The following DGKB variants were observed in gnomAD, a reference collection of about 807,000 sequenced individuals.
DGKB encodes 90 kDa diacylglycerol kinase.
In DGKB, 67 loss-of-function variants were observed where a neutral mutation model predicts 114.3. The observed-to-expected ratio is 0.59, with a 90% confidence interval of 0.48 to 0.72. DGKB has a LOEUF of 0.72. Among genes scored for constraint, DGKB ranks in the 30% least tolerant of loss-of-function variants. DGKB has a pLI of 0.00. For missense variants in DGKB, 907 were observed against 975.2 expected (o/e 0.93, Z 0.93); for synonymous variants, 398 against 323.1 (o/e 1.23, Z -2.49).
intron 25 of DGKB, among the ~76,000 whole-genome samples, chr7:14,166,212 C>T (rs1466028368): frequency 1.3e-5 from 2 of 152,168 alleles, no homozygotes; most frequent in Non-Finnish European, 2.9e-5. Context: ...ATAGAAATAC[C>T]TAAAACCTTA....
chr7:14,470,434 G>A (rs533780760), intron 21 of DGKB, among the ~76,000 whole-genome samples: 1 of 151,924 alleles, frequency 6.6e-6, no homozygotes, highest in South Asian at 2.1e-4. Flanking sequence ...TGAGGCAAAA[G>A]TGAGGTCAAA....
At chr7:14,693,625 T>C (rs1020334116) in intron 9 of DGKB, among the ~76,000 whole-genome samples, 1 of 151,272 alleles carries the variant, frequency 6.6e-6, no homozygotes, top group African/African-American at 2.4e-5. Flanking sequence ...GCACCACTAA[T>C]CTTTAAACCA....
At chr7:14,770,942 G>A (rs560618553) in intron 2 of DGKB, among the ~76,000 whole-genome samples, 89 of 152,066 alleles carry the variant, frequency 5.9e-4, no homozygotes, top group South Asian at 1.7e-3. Context: ...GCCTTGAAGC[G>A]TAAGAAGATA....
At chr7:14,581,788 C>T (rs1424666912) in intron 18 of DGKB, among the ~76,000 whole-genome samples, 1 of 152,112 alleles carries the variant, frequency 6.6e-6, no homozygotes, top group Admixed American at 6.6e-5. Flanking sequence ...AGGGCTAAAA[C>T]AAGCTAAGAA....
At position 14,154,532 on chromosome 7, in the gene DGKB, G is replaced by A. The variant is rs949531920; in HGVS notation, c.2305-5294C>T. On this transcript the variant is annotated intron_variant, in intron 25 of 25. Transcript: ENST00000402815. The stretch of plus-strand genomic sequence containing the variant: ...AAGGACTAAATGAATCAATGTGCAC[G>A]AAATGCTTAGACTGTTACCTGGTAC... 2.0e-5 allele frequency among the ~76,000 whole-genome samples: 3 copies of A among 151,750 alleles called. No individual in the cohort carries two copies. In the East Asian group the frequency reaches 5.8e-4, roughly 29 times the overall value.
intron 23 of DGKB, among the ~76,000 whole-genome samples, chr7:14,254,183 C>G (rs576496342): frequency 6.6e-6 from 1 of 152,154 alleles, no homozygotes; most frequent in African/African-American, 2.4e-5. Flanking sequence ...GAGAAAGGAC[C>G]AAGATTTGAG....
chr7:14,734,628 T>G (rs1056390337), intron 5 of DGKB, among the ~76,000 whole-genome samples: 10 of 152,348 alleles, frequency 6.6e-5, no homozygotes, highest in African/African-American at 2.4e-4. Flanking sequence ...TTTGCAATTA[T>G]GCAAAACAAT....
chr7:14,252,213 T>C (rs1046725309), intron 23 of DGKB, among the ~76,000 whole-genome samples: 2 of 152,200 alleles, frequency 1.3e-5, no homozygotes, highest in African/African-American at 4.8e-5. Flanking sequence ...AAGTCTGCTG[T>C]TGAAATTTTA....
At chr7:14,819,265 T>C (rs1844578411) in intron 2 of DGKB, among the ~76,000 whole-genome samples, 1 of 152,276 alleles carries the variant, frequency 6.6e-6, no homozygotes, top group Middle Eastern at 3.4e-3. Flanking sequence ...TAAATAACTT[T>C]CCAAGTATAT....
chr7:14,385,606 T>C (rs1374301796), intron 21 of DGKB, among the ~76,000 whole-genome samples: 1 of 152,196 alleles, frequency 6.6e-6, no homozygotes, highest in Non-Finnish European at 1.5e-5. Flanking sequence ...TAACCCTCTT[T>C]TTCTGTGTGT....
intron 25 of DGKB, among the ~76,000 whole-genome samples, chr7:14,164,214 C>T (rs1430648156): frequency 6.6e-6 from 1 of 152,036 alleles, no homozygotes; most frequent in African/African-American, 2.4e-5. Context: ...CTTTTTCTTT[C>T]ATCACTAAAA....
intron 21 of DGKB, among the ~76,000 whole-genome samples, chr7:14,449,356 C>T (rs999419394): frequency 1.3e-5 from 2 of 152,094 alleles, no homozygotes; most frequent in African/African-American, 2.4e-5. Flanking sequence ...TCCCTACAGA[C>T]GAAACTGTGT....
chr7:14,939,028 G>C (rs1160941118), intron 1 of DGKB, among the ~76,000 whole-genome samples: 1 of 151,988 alleles, frequency 6.6e-6, no homozygotes, highest in African/African-American at 2.4e-5. Context: ...CACACACATT[G>C]CTGTCCTATA....
At chr7:14,742,759 C>A (rs539730859) in intron 4 of DGKB, among the ~76,000 whole-genome samples, 2 of 152,132 alleles carry the variant, frequency 1.3e-5, no homozygotes, top group South Asian at 2.1e-4. Flanking sequence ...ACCATTATAA[C>A]ATGTAATTGA....
upstream of DGKB, among the ~76,000 whole-genome samples, chr7:14,906,447 C>CAT (rs1783708750): frequency 9.6e-6 from 1 of 103,884 alleles, no homozygotes; most frequent in Non-Finnish European, 2.0e-5. Context: ...TTTTTTCTGT[C>CAT]TTTTTTTTTT....
intron 20 of DGKB, among the ~76,000 whole-genome samples, chr7:14,571,681 A>T (rs1798405240): frequency 1.3e-5 from 2 of 152,218 alleles, no homozygotes; most frequent in South Asian, 4.1e-4. Context: ...AGCGGAAGAG[A>T]CGAAAGAAAG....
At chr7:14,538,968 C>T (rs750614663) in intron 20 of DGKB, among the ~76,000 whole-genome samples, 10 of 152,024 alleles carry the variant, frequency 6.6e-5, no homozygotes, top group Non-Finnish European at 1.5e-4. Context: ...AGTTACCAAG[C>T]AACGGTGGAG....
intron 1 of DGKB, among the ~76,000 whole-genome samples, chr7:14,919,095 A>ACACACACAAAC (rs1554345122): frequency 2.6e-5 from 3 of 114,920 alleles, no homozygotes; most frequent in African/African-American, 1.1e-4. Context: ...CACACACACA[A>ACACACACAAAC]ACACACACAC....
At chr7:14,829,731 C>T (rs2358070) in intron 2 of DGKB, among the ~76,000 whole-genome samples, 66,791 of 151,940 alleles carry the variant, frequency 0.44, 15,626 homozygotes, top group South Asian at 0.62. Context: ...TAACACAGAA[C>T]TCTATGATTA....
Sources: gnomAD v4.1 joint callset for allele counts (sites outside exome capture counted in the v4.1 genomes callset) on GRCh38, gnomAD v4.1.1 for gene constraint, MANE v1.5 for transcripts, NCBI Gene and HGNC (gene_info 2026-07-23, HGNC 2026-07-21) for gene names.